SPIN3: variants seen among roughly 807,000 people sequenced by gnomAD.
SPIN3 encodes spindlin-3.
For synonymous variants in SPIN3, 74 were observed against 74.3 expected (o/e 1.00, Z 0.02); for missense variants, 176 against 196.4 (o/e 0.90, Z 0.62).
Position 56,994,725 on chromosome X carries a change from G to T in SPIN3, c.223C>A (p.Gln75Lys). Residue 75 changes from glutamine to lysine, a missense_variant, in exon 2 of 2, where the codon CAG becomes AAG. Physicochemically the swap from Gln to Lys is moderately conservative, Grantham distance 53. Transcript: ENST00000374919. ...LTQWKGTVLD[Q>K]VPVNPSLYLI... The stretch of plus-strand genomic sequence containing the variant: ...TACAGAGAGGGATTTACAGGTACCT[G>T]ATCCAGAACGGTTCCTTTCCACTGT... 8.3e-7 allele frequency: 1 copy of T among 1,211,671 alleles called. No individual in the cohort carries two copies. Among genetic ancestry groups the T allele is most frequent in the Non-Finnish European group, 1.1e-6 (1 of 895,442 alleles).
At chrX:56,990,652 G>A (rs1039808182), downstream of SPIN3, among the ~76,000 whole-genome samples, 5 of 111,489 alleles carry the variant, frequency 4.5e-5, no homozygotes, top group African/African-American at 9.8e-5. Context: ...CAGAGAATAC[G>A]TTATGTTCAC....
At chrX:56,986,027 TTTC>T (rs1924214450), downstream of SPIN3, among the ~76,000 whole-genome samples, 1 of 111,605 alleles carries the variant, frequency 9.0e-6, no homozygotes, top group Admixed American at 9.6e-5. Context: ...TTGTTCTAAT[TTTC>T]TTTTTTATAA....
chrX:56,985,309 A>G (rs1924200870), intron 2 of SPIN3, among the ~76,000 whole-genome samples: 1 of 112,220 alleles, frequency 8.9e-6, no homozygotes, highest in South Asian at 3.7e-4. Flanking sequence ...CACCCAGGTT[A>G]TGCTTCAGTG....
intron 3 of SPIN3, chrX:56,982,251 GC>G (rs1924136736): frequency 9.0e-6 from 1 of 111,122 alleles, no homozygotes; most frequent in Non-Finnish European, 1.9e-5. Context: ...TATAACTCCT[GC>G]CCAGATTCAG....
downstream of SPIN3, among the ~76,000 whole-genome samples, chrX:56,990,577 A>G (rs748389847): frequency 1.2e-4 from 13 of 112,314 alleles, no homozygotes; most frequent in Non-Finnish European, 2.1e-4. Flanking sequence ...GCTTCAATAT[A>G]TAATTGGTTT....
At chrX:56,995,195 T>C in intron 1 of SPIN3, 21 bp downstream of exon 1, 4 of 338,736 alleles carry the variant, frequency 1.2e-5, no homozygotes, top group Non-Finnish European at 2.0e-5. Context: ...CCCATTCCCC[T>C]CGCCCTGCTT....
In SPIN3 at chrX:56,994,055, G is replaced by T; in HGVS notation, c.*116C>A. The T allele has an allele frequency of 1.2e-6, 1 of 824,519 alleles. No homozygotes were observed. Among genetic ancestry groups the T allele is most frequent in the Non-Finnish European group, 1.6e-6 (1 of 608,587 alleles). The allele number at this position is 824,519 out of a possible 1,213,427, so 67.9% of individuals were successfully genotyped here. On this transcript the variant is annotated 3_prime_UTR_variant, in exon 2 of 2. Coordinates refer to ENST00000374919, the MANE Select transcript of SPIN3 (RefSeq NM_001010862.3). ...AGAGGGCAGAAGTTCCAATTTTTTT[G>T]CCAAGCAAAACGTGCAAAAAGGGAG... is the stretch of plus-strand genomic sequence containing the variant.
rs1405495987 is a variant in SPIN3 at position 56,992,693 on chromosome X, G to A, written c.*1478C>T. ...CCTTATTAGGCTGTTACTGCTAATG[G>A]AGCTTCTGTGAGAACCTCAATGAGA... On this transcript the variant is annotated 3_prime_UTR_variant, in exon 2 of 2. Transcript: ENST00000374919. 1 of 290,000 alleles carries A rather than the reference G, an allele frequency of 3.4e-6. No homozygotes were observed. The highest frequency in any genetic ancestry group is 6.0e-6 in the Non-Finnish European group (1 of 166,774). The allele number at this position is 290,000 out of a possible 1,213,427, so 23.9% of individuals were successfully genotyped here.
At chrX:56,988,486 T>C (rs1449488118), downstream of SPIN3, among the ~76,000 whole-genome samples, 1 of 111,621 alleles carries the variant, frequency 9.0e-6, no homozygotes, top group Non-Finnish European at 1.9e-5. Context: ...TCACCTGAGG[T>C]ATCTTGTACA....
chrX:56,978,219 C>G (rs979746283), intron 5 of SPIN3: 4 of 112,300 alleles, frequency 3.6e-5, no homozygotes, highest in Non-Finnish European at 7.5e-5. Context: ...AGAATTTCCT[C>G]CAAAGGGAAT....
At chrX:56,988,487 A>G (rs922580786), downstream of SPIN3, among the ~76,000 whole-genome samples, 1 of 111,682 alleles carries the variant, frequency 9.0e-6, no homozygotes, top group Non-Finnish European at 1.9e-5. Flanking sequence ...CACCTGAGGT[A>G]TCTTGTACAG....
chrX:56,976,435 T>C (rs1924007602), downstream of SPIN3: 1 of 111,864 alleles, frequency 8.9e-6, no homozygotes, highest in Non-Finnish European at 1.9e-5. Flanking sequence ...TATACAAGTG[T>C]ACATATGTAA....
chrX:56,976,234 C>A (rs1166026427), downstream of SPIN3: 2 of 111,536 alleles, frequency 1.8e-5, no homozygotes, highest in African/African-American at 6.5e-5. Context: ...AAGGACTATG[C>A]AATGATCTCT....
Position 56,995,444 on chromosome X carries a change from C to G in SPIN3, c.-231G>C, listed in dbSNP as rs906126604. The G allele has an allele frequency of 2.6e-5, 3 of 115,150 alleles. No homozygotes were observed. The highest frequency in any genetic ancestry group is 9.7e-5 in the African/African-American group (3 of 30,916). 9.5% of individuals were successfully genotyped at this position (115,150 alleles called of 1,213,427 possible). A position where few individuals can be genotyped will look rare whatever the true frequency, so the allele number is the denominator to read the frequency against. On this transcript the variant is annotated 5_prime_UTR_variant, in exon 1 of 2. Transcript: ENST00000374919. ...GTGGCGGCGTCCCTTGCTCTTGGCT[C>G]CTGCGTCCTCCGCCTTCCTGGTGGC...
Position 56,991,943 on chromosome X carries a change from A to G in SPIN3, c.*2228T>C. On this transcript the variant is annotated 3_prime_UTR_variant, in exon 2 of 2. Transcript: ENST00000374919. Reference sequence around the variant, plus strand: ...GCATTAAAATACTCCAAATAATACAATATCAACAACATAATAAAAATGCCT... The same window carrying G: ...GCATTAAAATACTCCAAATAATACAGTATCAACAACATAATAAAAATGCCT... 3.5e-6 allele frequency: 1 copy of G among 287,772 alleles called. No individual in the cohort carries two copies. Among genetic ancestry groups the G allele is most frequent in the Non-Finnish European group, 6.1e-6 (1 of 165,161 alleles). The allele number at this position is 287,772 out of a possible 1,213,427, so 23.7% of individuals were successfully genotyped here.
chrX:56,978,057 C>T (rs777525044), intron 5 of SPIN3: 1 of 111,974 alleles, frequency 8.9e-6, no homozygotes, highest in African/African-American at 3.2e-5. Context: ...AGTTTATGAT[C>T]ATTTGATACC....
intron 1 of SPIN3, 43 bp from the exon 2 acceptor site, chrX:56,994,992 A>T: frequency 9.0e-7 from 1 of 1,113,852 alleles, no homozygotes; most frequent in Non-Finnish European, 1.2e-6. Flanking sequence ...GAGAAAGGAA[A>T]TTAACAAAAT....
At chrX:56,979,037 C>T (rs1407620745) in intron 3 of SPIN3, 2 of 111,531 alleles carry the variant, frequency 1.8e-5, no homozygotes, top group Non-Finnish European at 3.8e-5. Flanking sequence ...GAACAGATTC[C>T]AAATTCCTTA....
rs1257065032 is a variant in SPIN3 at position 56,983,354 on chromosome X, G to C, written c.*204+912C>G. Among the ~76,000 whole-genome samples the C allele has an allele frequency of 1.8e-5, 2 of 111,606 alleles. 1 individual carries two copies. The highest frequency in any genetic ancestry group is 8.5e-3 in the Middle Eastern group (2 of 236). ...GGGGAAAAAGGAGAGTGAGAGACAAGGAATAAGAGGTGAGGATTAGAAAAC... is the reference window on the plus strand; with the variant it reads ...GGGGAAAAAGGAGAGTGAGAGACAACGAATAAGAGGTGAGGATTAGAAAAC... On this transcript the variant is annotated intron_variant and NMD_transcript_variant, in intron 3 of 5. Transcript: ENST00000475785.
Sources: allele counts gnomAD v4.1 joint callset (sites outside exome capture counted in the v4.1 genomes callset), GRCh38; gene constraint gnomAD v4.1.1; transcripts MANE v1.5; gene names NCBI Gene and HGNC (gene_info 2026-07-23, HGNC 2026-07-21).